The following MRRF variants were observed in gnomAD, a reference collection of about 807,000 sequenced individuals.
The protein encoded by MRRF is mitochondrial ribosome recycling factor, also known as ribosome-recycling factor, mitochondrial.
In MRRF, 18 loss-of-function variants were observed where a neutral mutation model predicts 25.1. That is an observed-to-expected ratio of 0.72 (90% CI 0.50 to 1.06). The LOEUF is 1.06. Among genes scored for constraint, MRRF ranks in the 50% least tolerant of loss-of-function variants. The pLI is 0.00. For synonymous variants in MRRF, 113 were observed against 112.1 expected (o/e 1.01, Z -0.05); for missense variants, 323 against 319.3 (o/e 1.01, Z -0.09).
At chr9:122,300,316 G>A (rs1834370083) in intron 5 of MRRF, among the ~76,000 whole-genome samples, 1 of 152,208 alleles carries the variant, frequency 6.6e-6, no homozygotes, top group South Asian at 2.1e-4. Flanking sequence ...ACCCCTCACA[G>A]CAGGTTCTCC....
At chr9:122,297,698 T>C (rs926596584) in intron 5 of MRRF, among the ~76,000 whole-genome samples, 8 of 152,152 alleles carry the variant, frequency 5.3e-5, no homozygotes, top group African/African-American at 1.7e-4. Context: ...GGACCGTAAT[T>C]GGGAAAGAAG....
intron 6 of MRRF, 51 bp downstream of exon 6, chr9:122,313,437 A>T: frequency 1.3e-6 from 2 of 1,592,574 alleles, no homozygotes; most frequent in Non-Finnish European, 1.7e-6. Context: ...ATAAGGAATC[A>T]TTTGTTCATG....
At chr9:122,284,365 T>C (rs772861672) in intron 3 of MRRF, among the ~76,000 whole-genome samples, 2 of 152,184 alleles carry the variant, frequency 1.3e-5, no homozygotes, top group Non-Finnish European at 2.9e-5. Flanking sequence ...CCAAGTCTTA[T>C]TTCCTCATCT....
At chr9:122,281,784 G>C (rs1005354635) in intron 3 of MRRF, among the ~76,000 whole-genome samples, 2 of 152,154 alleles carry the variant, frequency 1.3e-5, no homozygotes, top group Non-Finnish European at 2.9e-5. Context: ...TTAAAAAGAT[G>C]ATGGGCCTGG....
rs1833309190 is a variant in MRRF, at chr9:122,285,156, A to ATT, written c.341-9_341-8dup. 7.1e-6 allele frequency: 11 copies of ATT among 1,554,944 alleles called. No homozygotes were observed. The highest frequency in any genetic ancestry group is 9.8e-6 in the Non-Finnish European group (11 of 1,126,466). On this transcript the variant is annotated splice_polypyrimidine_tract_variant and intron_variant, in intron 3 of 6. Coordinates refer to ENST00000344641, the MANE Select transcript of MRRF (RefSeq NM_138777.5). Reference sequence around the variant, plus strand: ...TTCTTTGGAATTCTAAAACTCTGTAATTTTTCTTTTAGGATCCCTTGACAA... The same window carrying ATT: ...TTCTTTGGAATTCTAAAACTCTGTAATTTTTTTCTTTTAGGATCCCTTGACAA...
At chr9:122,315,277 C>T (rs1225965078) in intron 6 of MRRF, among the ~76,000 whole-genome samples, 1 of 152,120 alleles carries the variant, frequency 6.6e-6, no homozygotes, top group Non-Finnish European at 1.5e-5. Context: ...GCTGGGATAA[C>T]AGATGCGTCC....
intron 5 of MRRF, among the ~76,000 whole-genome samples, chr9:122,296,251 G>T (rs1834077582): frequency 6.6e-6 from 1 of 152,076 alleles, no homozygotes; most frequent in South Asian, 2.1e-4. Flanking sequence ...TGCTTCTCTG[G>T]CAGTGATTTT....
Position 122,322,998 on chromosome 9 carries a change from A to C in MRRF, c.*381A>C, listed in dbSNP as rs529015645. On this transcript the variant is annotated 3_prime_UTR_variant, in exon 7 of 7. Coordinates refer to ENST00000344641, the MANE Select transcript of MRRF (RefSeq NM_138777.5). Reference sequence around the variant, plus strand: ...TTTTAAAACTCTGATATTGGCCTTCACCTGTGACTGGACACTTTACTAGAG... The same window carrying C: ...TTTTAAAACTCTGATATTGGCCTTCCCCTGTGACTGGACACTTTACTAGAG... 48 of 299,760 alleles carry C rather than the reference A, an allele frequency of 1.6e-4. No individual in the cohort carries two copies. In the South Asian group the frequency reaches 1.9e-3, roughly 12 times the overall value. 18.6% of individuals were successfully genotyped at this position (299,760 alleles called of 1,614,324 possible).
intron 1 of MRRF, among the ~76,000 whole-genome samples, chr9:122,267,064 C>A (rs189682999): frequency 8.1e-6 from 1 of 123,744 alleles, no homozygotes; most frequent in African/African-American, 3.1e-5. Flanking sequence ...AGTGAGACTC[C>A]GTCTCAAAAA....
intron 2 of MRRF, among the ~76,000 whole-genome samples, chr9:122,272,692 G>A (rs997567668): frequency 6.6e-6 from 1 of 152,120 alleles, no homozygotes; most frequent in Non-Finnish European, 1.5e-5. Flanking sequence ...TGTTCCAAGT[G>A]TCTTCTTTGC....
chr9:122,329,379 A>G lies in MRRF; in HGVS notation c.*6762A>G, dbSNP rs1265028783. 2 of 152,192 alleles carry G rather than the reference A, an allele frequency of 1.3e-5. No individual in the cohort carries two copies. Among genetic ancestry groups the G allele is most frequent in the African/African-American group, 2.4e-5 (1 of 41,418 alleles). The allele number at this position is 152,192 out of a possible 1,614,324, so 9.4% of individuals were successfully genotyped here. On this transcript the variant is annotated 3_prime_UTR_variant, in exon 7 of 7. Coordinates refer to ENST00000344641, the MANE Select transcript of MRRF (RefSeq NM_138777.5). ...AGTCTTATAAGCCCTTCTTGGTCCC[A>G]TGTTCTTCCTTACACTAACTCATTC...
intron 2 of MRRF, among the ~76,000 whole-genome samples, chr9:122,275,603 C>T (rs1832726727): frequency 6.6e-6 from 1 of 152,212 alleles, no homozygotes; most frequent in Non-Finnish European, 1.5e-5. Context: ...CACCACTGCA[C>T]TCCAGTCTGG....
intron 5 of MRRF, among the ~76,000 whole-genome samples, chr9:122,304,353 G>C (rs777955277): frequency 2.0e-5 from 3 of 152,202 alleles, no homozygotes; most frequent in African/African-American, 7.2e-5. Flanking sequence ...CTTCTGCTCA[G>C]TGTTGCTTCC....
At chr9:122,304,349 C>T (rs966197053) in intron 5 of MRRF, among the ~76,000 whole-genome samples, 1 of 152,226 alleles carries the variant, frequency 6.6e-6, no homozygotes, top group Non-Finnish European at 1.5e-5. Flanking sequence ...CTGTCTTCTG[C>T]TCAGTGTTGC....
At position 122,329,002 on chromosome 9, in the gene MRRF, T is replaced by C. The variant is rs543517428; in HGVS notation, c.*6385T>C. Reference sequence around the variant, plus strand: ...TACATTCCTTTCTTCTGGTCTGTGTTTCAGTCCATCCTACGCTGTTAAGTT... The same window carrying C: ...TACATTCCTTTCTTCTGGTCTGTGTCTCAGTCCATCCTACGCTGTTAAGTT... On this transcript the variant is annotated 3_prime_UTR_variant, in exon 7 of 7. Coordinates refer to ENST00000344641, the MANE Select transcript of MRRF (RefSeq NM_138777.5). 6.6e-6 allele frequency: 1 copy of C among 152,318 alleles called. No individual in the cohort carries two copies. Among genetic ancestry groups the C allele is most frequent in the East Asian group, 1.9e-4 (1 of 5,190 alleles). The allele number at this position is 152,318 out of a possible 1,614,324, so 9.4% of individuals were successfully genotyped here. A position where few individuals can be genotyped will look rare whatever the true frequency, so the allele number is the denominator to read the frequency against.
chr9:122,314,918 G>C (rs1444908060), intron 6 of MRRF, among the ~76,000 whole-genome samples: 1 of 152,178 alleles, frequency 6.6e-6, no homozygotes, highest in Non-Finnish European at 1.5e-5. Flanking sequence ...TTGTTTTAGG[G>C]AGATTGAACA....
At chr9:122,314,627 A>G (rs1202875468) in intron 6 of MRRF, among the ~76,000 whole-genome samples, 2 of 152,316 alleles carry the variant, frequency 1.3e-5, no homozygotes, top group African/African-American at 4.8e-5. Flanking sequence ...TTCTCAGGTG[A>G]TTCTCATACA....
rs1427622055 is a variant in MRRF at position 122,325,664 on chromosome 9, GTGTGTGTGTGTGTGTGTGTGTT to G, written c.*3048_*3069del. 5 of 129,308 alleles carry G rather than the reference GTGTGTGTGTGTGTGTGTGTGTT, an allele frequency of 3.9e-5. No homozygotes were observed. Among genetic ancestry groups the G allele is most frequent in the Admixed American group, 7.8e-5 (1 of 12,848 alleles). 8.0% of individuals were successfully genotyped at this position (129,308 alleles called of 1,614,324 possible). On this transcript the variant is annotated 3_prime_UTR_variant, in exon 7 of 7. Transcript: ENST00000344641. ...TGTGTGTGTGTGTGTGTGTGTGTGT[GTGTGTGTGTGTGTGTGTGTGTT>G]GGAAATTACAAAATAAGTTGGAATG...
chr9:122,285,169 G>T lies in MRRF; in HGVS notation c.341G>T (p.Gly114Val). Residue 114 changes from glycine to valine, a missense_variant and splice_region_variant, in exon 4 of 7, where the codon GGA becomes GTA. Physicochemically the swap from Gly to Val is moderately radical, Grantham distance 109. Coordinates refer to ENST00000344641, the MANE Select transcript of MRRF (RefSeq NM_138777.5). ...NKTLNIRTSP[G>V]SLDKIAVVTA... ...TAAAACTCTGTAATTTTTCTTTTAG[G>T]ATCCCTTGACAAGATTGCTGTGGTA... The T allele has an allele frequency of 6.3e-7, 1 of 1,595,812 alleles. No homozygotes were observed. Among genetic ancestry groups the T allele is most frequent in the South Asian group, 1.1e-5 (1 of 90,688 alleles).
Sources: allele counts gnomAD v4.1 joint callset (sites outside exome capture counted in the v4.1 genomes callset), GRCh38; gene constraint gnomAD v4.1.1; transcripts MANE v1.5; gene names NCBI Gene and HGNC (gene_info 2026-07-23, HGNC 2026-07-21).